Variants in LMNA observed in about 807,000 individuals in gnomAD.
LMNA encodes lamin A/C, also known as lamin.
LMNA carries 20 observed loss-of-function variants against 70.4 expected under a neutral mutation model. That is an observed-to-expected ratio of 0.28 (90% CI 0.20 to 0.41). LMNA has a LOEUF of 0.41. Among genes scored for constraint, LMNA ranks in the 10% least tolerant of loss-of-function variants. The probability of loss-of-function intolerance (pLI) is 1.00; values close to 1 mark genes in which losing one functional copy is unlikely to be tolerated. For synonymous variants in LMNA, 339 were observed against 372.8 expected (o/e 0.91, Z 1.04); for missense variants, 652 against 917.2 (o/e 0.71, Z 3.73).
At chr1:156,095,410 T>C (rs1325674903) in intron 3 of LMNA, among the ~76,000 whole-genome samples, 2 of 151,740 alleles carry the variant, frequency 1.3e-5, no homozygotes, top group Non-Finnish European at 2.9e-5. Flanking sequence ...ACTGAATGAG[T>C]CACTCCCCAT....
chr1:156,119,826 T>C (rs1650072009), intron 1 of LMNA, among the ~76,000 whole-genome samples: 1 of 151,764 alleles, frequency 6.6e-6, no homozygotes, highest in African/African-American at 2.4e-5. Context: ...TCTGAATGTC[T>C]ACCTCTTCTG....
At chr1:156,129,053 A>G (rs1650822057) in intron 1 of LMNA, among the ~76,000 whole-genome samples, 2 of 152,212 alleles carry the variant, frequency 1.3e-5, no homozygotes, top group Admixed American at 1.3e-4. Context: ...GGCAGCCAAA[A>G]CCTGAGCTGG....
rs577355919 is a variant in LMNA, at chr1:156,087,878, C to CT, written c.-318-2581dup. ...TTTCTTTCCTTTTTTTTCTTTCTTTCTTTTTTTTTTTTGAGATGGTGTCTC... is the reference window on the plus strand; with the variant it reads ...TTTCTTTCCTTTTTTTTCTTTCTTTCTTTTTTTTTTTTTGAGATGGTGTCTC... On this transcript the variant is annotated intron_variant, in intron 2 of 12. Coordinates refer to the LMNA transcript ENST00000368301. 1.8e-3 allele frequency among the ~76,000 whole-genome samples: 263 copies of CT among 143,832 alleles called. 3 individuals are homozygous for CT. In the East Asian group the frequency reaches 0.022, roughly 12 times the overall value. 94.4% of individuals were successfully genotyped at this position (143,832 alleles called of 152,430 possible).
At chr1:156,091,774 G>A (rs1648712147) in intron 3 of LMNA, among the ~76,000 whole-genome samples, 1 of 152,168 alleles carries the variant, frequency 6.6e-6, no homozygotes, top group South Asian at 2.1e-4. Flanking sequence ...TAGTCAAGTA[G>A]ATAATGTACT....
In LMNA at chr1:156,139,391, G is replaced by T. The variant is rs968134175; in HGVS notation, c.*285G>T. 7.3e-6 allele frequency: 10 copies of T among 1,374,310 alleles called. No homozygotes were observed. Among genetic ancestry groups the T allele is most frequent in the Non-Finnish European group, 6.6e-6 (7 of 1,067,718 alleles). 85.1% of individuals were successfully genotyped at this position (1,374,310 alleles called of 1,614,324 possible). ...CCTGCTTCCAGGAAACTCCACATCTGCCTTAAAACCAAAGAGGGCTTCCTC... is the reference window on the plus strand; with the variant it reads ...CCTGCTTCCAGGAAACTCCACATCTTCCTTAAAACCAAAGAGGGCTTCCTC... On this transcript the variant is annotated 3_prime_UTR_variant, in exon 12 of 12. Coordinates refer to ENST00000368300, the MANE Select transcript of LMNA (RefSeq NM_170707.4).
In LMNA at chr1:156,138,263, G is replaced by C. The variant is rs977963983; in HGVS notation, c.1699-225G>C. On this transcript the variant is annotated intron_variant, in intron 10 of 11. Coordinates refer to ENST00000368300, the MANE Select transcript of LMNA (RefSeq NM_170707.4). The surrounding 1 kb of genome is among the most constrained non-coding windows in gnomAD (Gnocchi z 5.5). ...AGAACAGAGTCAGAGTCACTGCTCT[G>C]GTTCTCTGTCCCCAAGTCTTCCTGA... The C allele has an allele frequency of 5.0e-6, 3 of 600,388 alleles. No individual in the cohort carries two copies. The highest frequency in any genetic ancestry group is 5.9e-6 in the Non-Finnish European group (2 of 337,862). The allele number at this position is 600,388 out of a possible 1,614,324, so 37.2% of individuals were successfully genotyped here. A position where few individuals can be genotyped will look rare whatever the true frequency, so the allele number is the denominator to read the frequency against.
chr1:156,126,598 A>G (rs370458943), intron 1 of LMNA: 4 of 902,038 alleles, frequency 4.4e-6, no homozygotes, highest in Non-Finnish European at 7.4e-6. Flanking sequence ...GGGGAGCCGG[A>G]CTTCCTTGTC....
rs781255269 is a variant in LMNA, at chr1:156,138,754, C to A, written c.1965C>A (p.Thr655=). Residue 655 remains threonine (T), a synonymous_variant, in exon 11 of 12, where the codon ACC becomes ACA. Coordinates refer to ENST00000368300, the MANE Select transcript of LMNA (RefSeq NM_170707.4). This position sits in a 1 kb window ranked among gnomAD's most constrained non-coding sequence, Gnocchi z 5.5. ...TCCTGGGCAACTCCAGCCCCCGAAC[C>A]CAGGTGAGTTGTCTCTGCTTTGTCT... is the stretch of plus-strand genomic sequence containing the variant. ...SYLLGNSSPR[T]QSPQNCSIM The A allele has an allele frequency of 6.2e-7, 1 of 1,613,418 alleles. No individual in the cohort carries two copies.
chr1:156,125,613 T>G (rs552940568), intron 1 of LMNA, among the ~76,000 whole-genome samples: 35 of 152,022 alleles, frequency 2.3e-4, no homozygotes, highest in African/African-American at 8.4e-4. Context: ...TGCTTGAACC[T>G]GGGAGGTGGA....
At chr1:156,105,115 G>A (rs1259702241) in intron 3 of LMNA, among the ~76,000 whole-genome samples, 1 of 152,200 alleles carries the variant, frequency 6.6e-6, no homozygotes, top group Non-Finnish European at 1.5e-5. Flanking sequence ...CAGAGGTCAA[G>A]GCCAAAGTGA....
chr1:156,083,016 G>C (rs780126858), exon 2 of LMNA: 8 of 152,470 alleles, frequency 5.2e-5, no homozygotes, highest in African/African-American at 1.7e-4. Context: ...AGCAGCGATG[G>C]GGGGAGAGCT....
intron 1 of LMNA, among the ~76,000 whole-genome samples, chr1:156,121,697 C>T (rs1449506859): frequency 1.3e-5 from 2 of 152,098 alleles, no homozygotes; most frequent in East Asian, 1.9e-4. Context: ...AGCCCCTCGC[C>T]ACCCCTAGCA....
intron 2 of LMNA, among the ~76,000 whole-genome samples, chr1:156,088,019 G>A (rs1230152239): frequency 4.0e-5 from 6 of 151,736 alleles, no homozygotes; most frequent in Admixed American, 1.3e-4. Flanking sequence ...CTACAGGCGC[G>A]CACCACCACA....
intron 1 of LMNA, among the ~76,000 whole-genome samples, chr1:156,128,966 C>A (rs1263150751): frequency 6.6e-6 from 1 of 152,238 alleles, no homozygotes; most frequent in South Asian, 2.1e-4. Context: ...CCTCCCCCTG[C>A]AGCTGCTTCA....
chr1:156,139,733 G>C lies in LMNA; in HGVS notation c.*627G>C. The C allele has an allele frequency of 9.4e-6, 14 of 1,485,080 alleles. No homozygotes were observed. The highest frequency in any genetic ancestry group is 1.2e-5 in the Non-Finnish European group (13 of 1,117,444). 92.0% of individuals were successfully genotyped at this position (1,485,080 alleles called of 1,614,324 possible). On this transcript the variant is annotated 3_prime_UTR_variant, in exon 12 of 12. Transcript: ENST00000368300. Reference sequence around the variant, plus strand: ...GCCCCGGGGTGAGTCCATTCTCCCAGGTACCAGCTGCGCTTGCTTTTCTGT... The same window carrying C: ...GCCCCGGGGTGAGTCCATTCTCCCACGTACCAGCTGCGCTTGCTTTTCTGT...
intron 3 of LMNA, among the ~76,000 whole-genome samples, chr1:156,095,008 G>A (rs779780716): frequency 2.0e-5 from 3 of 150,480 alleles, no homozygotes; most frequent in African/African-American, 4.9e-5. Context: ...TGCAACTTCC[G>A]CCTTGCTGGT....
chr1:156,099,582 C>A (rs1218209838), intron 3 of LMNA, among the ~76,000 whole-genome samples: 2 of 151,848 alleles, frequency 1.3e-5, no homozygotes, highest in East Asian at 1.9e-4. Flanking sequence ...AGTAAGACAC[C>A]ATCTCTAAAA....
At chr1:156,114,414 C>T (rs945894229), upstream of LMNA, among the ~76,000 whole-genome samples, 2 of 152,208 alleles carry the variant, frequency 1.3e-5, no homozygotes, top group East Asian at 1.9e-4. Context: ...TTTGCCCACC[C>T]ACTCTCCCTC....
chr1:156,100,849 G>A (rs1316692436), intron 3 of LMNA, among the ~76,000 whole-genome samples: 1 of 152,154 alleles, frequency 6.6e-6, no homozygotes, highest in South Asian at 2.1e-4. Flanking sequence ...CCTCTAATGG[G>A]GGAAGACACA....
Sources: allele counts gnomAD v4.1 joint callset (sites outside exome capture counted in the v4.1 genomes callset), GRCh38; gene constraint gnomAD v4.1.1; non-coding constraint Gnocchi (gnomAD v3.1); transcripts MANE v1.5; gene names NCBI Gene and HGNC (gene_info 2026-07-23, HGNC 2026-07-21).